Variants in RERE observed in about 807,000 individuals in gnomAD.
RERE encodes arginine-glutamic acid dipeptide repeats protein.
A neutral mutation model predicts 146.1 loss-of-function variants in RERE; 40 were observed. The observed-to-expected ratio is 0.27, with a 90% confidence interval of 0.21 to 0.36. The LOEUF (loss-of-function observed/expected upper bound fraction) is 0.36, where lower values mean the gene tolerates loss of function less well. RERE is among the 10% of genes least tolerant of loss of function. The pLI is 1.00. For missense variants in RERE, 1,933 were observed against 2,138.7 expected, an observed-to-expected ratio of 0.90 and a Z score of 1.90; for synonymous variants, 1,003 against 866.0, an observed-to-expected ratio of 1.16 and a Z score of -2.78.
rs35564949 is a variant in RERE at position 8,484,428 on chromosome 1, CT to C, written c.1104+10634del. On this transcript the variant is annotated intron_variant, in intron 10 of 22. Coordinates refer to ENST00000400908, the MANE Select transcript of RERE (RefSeq NM_001042681.2). ...TTAATATATAAAAATACAAATAAAA[CT>C]TTTTTTTTTTTTTTGAGATGGAGTC... Among the ~76,000 whole-genome samples the C allele has an allele frequency of 3.9e-3, 557 of 143,248 alleles. 2 individuals carry two copies. Among genetic ancestry groups the C allele is most frequent in the African/African-American group, 9.0e-3 (353 of 39,292 alleles). 94.0% of individuals were successfully genotyped at this position (143,248 alleles called of 152,430 possible). A position where few individuals can be genotyped will look rare whatever the true frequency, so the allele number is the denominator to read the frequency against.
chr1:8,389,598 A>G (rs1466631931), intron 12 of RERE, among the ~76,000 whole-genome samples: 2 of 152,164 alleles, frequency 1.3e-5, no homozygotes, highest in African/African-American at 4.8e-5. Context: ...CACACATGCT[A>G]ACAAAAAACC....
chr1:8,661,087 A>G (rs113613889), intron 1 of RERE, among the ~76,000 whole-genome samples: 2 of 152,216 alleles, frequency 1.3e-5, no homozygotes, highest in African/African-American at 4.8e-5. Context: ...AGGGGGACAC[A>G]GTGTTGCAGG....
intron 12 of RERE, among the ~76,000 whole-genome samples, chr1:8,373,426 G>A (rs1250360649): frequency 6.6e-6 from 1 of 152,098 alleles, no homozygotes; most frequent in African/African-American, 2.4e-5. Flanking sequence ...TACTGAAGTG[G>A]AGAGATCTAA....
intron 1 of RERE, among the ~76,000 whole-genome samples, chr1:8,791,890 TC>T (rs1202879143): frequency 1.3e-5 from 2 of 152,146 alleles, no homozygotes; most frequent in African/African-American, 4.8e-5. Context: ...AAGGACACCA[TC>T]ATCTCCCAGA....
At chr1:8,610,401 C>T (rs186025665) in intron 4 of RERE, among the ~76,000 whole-genome samples, 114 of 151,770 alleles carry the variant, frequency 7.5e-4, no homozygotes, top group African/African-American at 2.2e-3. Context: ...CCAGCCTGGC[C>T]AACATAGTGA....
intron 1 of RERE, among the ~76,000 whole-genome samples, chr1:8,706,341 T>C (rs920698737): frequency 1.3e-4 from 20 of 152,126 alleles, no homozygotes; most frequent in African/African-American, 4.3e-4. Context: ...ATCCCCATTT[T>C]ATGAAGATAT....
At chr1:8,513,832 A>C (rs1233226089) in intron 7 of RERE, among the ~76,000 whole-genome samples, 2 of 152,200 alleles carry the variant, frequency 1.3e-5, no homozygotes, top group Non-Finnish European at 2.9e-5. Flanking sequence ...TTTCTTAAAG[A>C]TGTGTACACA....
intron 1 of RERE, among the ~76,000 whole-genome samples, chr1:8,688,901 G>A (rs1037453785): frequency 3.9e-5 from 6 of 152,102 alleles, no homozygotes; most frequent in African/African-American, 1.2e-4. Context: ...ATTCATTTTC[G>A]ACATGTATTT....
intron 4 of RERE, among the ~76,000 whole-genome samples, chr1:8,570,105 G>A (rs1426733373): frequency 6.6e-6 from 1 of 152,102 alleles, no homozygotes; most frequent in African/African-American, 2.4e-5. Context: ...TTGGGAGACT[G>A]AGGCGGGCGG....
chr1:8,475,741 A>G (rs531003050), intron 10 of RERE, among the ~76,000 whole-genome samples: 3 of 152,302 alleles, frequency 2.0e-5, no homozygotes, highest in African/African-American at 7.2e-5. Flanking sequence ...ACAAATGTCA[A>G]TACATTTTCA....
At chr1:8,727,146 G>A (rs1418551971) in intron 1 of RERE, among the ~76,000 whole-genome samples, 1 of 149,614 alleles carries the variant, frequency 6.7e-6, no homozygotes, top group Non-Finnish European at 1.5e-5. Context: ...TTTTTTTGGA[G>A]GGCGCGGGGT....
intron 12 of RERE, among the ~76,000 whole-genome samples, chr1:8,418,156 T>C (rs1225265485): frequency 3.3e-5 from 5 of 152,158 alleles, no homozygotes; most frequent in East Asian, 1.9e-4. Flanking sequence ...ACCCTACCCA[T>C]TGCAGTGCTC....
At chr1:8,584,427 G>C (rs1010056990) in intron 4 of RERE, among the ~76,000 whole-genome samples, 3 of 152,014 alleles carry the variant, frequency 2.0e-5, no homozygotes, top group African/African-American at 7.2e-5. Flanking sequence ...TAGGCCTGTA[G>C]TCCCAGCTAC....
At chr1:8,552,641 C>T (rs985428987) in intron 6 of RERE, among the ~76,000 whole-genome samples, 1 of 152,088 alleles carries the variant, frequency 6.6e-6, no homozygotes. Flanking sequence ...ACCAAATACA[C>T]CCCAAACATT....
chr1:8,482,216 T>C (rs2124184603), intron 10 of RERE, among the ~76,000 whole-genome samples: 1 of 79,454 alleles, frequency 1.3e-5, no homozygotes, highest in Middle Eastern at 3.9e-3. Context: ...CCTAATTGGA[T>C]TGTAAAAGTG....
intron 2 of RERE, among the ~76,000 whole-genome samples, chr1:8,649,699 C>T (rs1376053940): frequency 6.8e-6 from 1 of 147,072 alleles, no homozygotes; most frequent in Non-Finnish European, 1.5e-5. Flanking sequence ...CACTGCACTC[C>T]AGCCTGCATG....
chr1:8,527,205 T>C (rs1480547613), intron 7 of RERE, among the ~76,000 whole-genome samples: 3 of 152,152 alleles, frequency 2.0e-5, no homozygotes, highest in African/African-American at 4.8e-5. Context: ...ATACAAGAAA[T>C]GCCAAGTACA....
chr1:8,781,708 C>G (rs548677375), intron 1 of RERE, among the ~76,000 whole-genome samples: 1 of 150,468 alleles, frequency 6.6e-6, no homozygotes, highest in South Asian at 2.1e-4. Flanking sequence ...TGGGTAAATA[C>G]TTAGCATAAA....
chr1:8,490,632 G>A (rs910627786), intron 10 of RERE, among the ~76,000 whole-genome samples: 3 of 150,328 alleles, frequency 2.0e-5, no homozygotes, highest in African/African-American at 7.5e-5. Flanking sequence ...ATGAACTATC[G>A]ATACATGAAA....
Sources: gnomAD v4.1 joint callset for allele counts (sites outside exome capture counted in the v4.1 genomes callset) on GRCh38, gnomAD v4.1.1 for gene constraint, MANE v1.5 for transcripts, NCBI Gene and HGNC (gene_info 2026-07-23, HGNC 2026-07-21) for gene names.